DLG5: variants seen among roughly 807,000 people sequenced by gnomAD.
DLG5 encodes discs large MAGUK scaffold protein 5.
A neutral mutation model predicts 189.8 loss-of-function variants in DLG5; 48 were observed. The observed-to-expected ratio is 0.25, with a 90% CI of 0.20 to 0.32. The LOEUF (loss-of-function observed/expected upper bound fraction) is 0.32. Among genes scored for constraint, DLG5 ranks in the 10% least tolerant of loss-of-function variants. The pLI, the probability that DLG5 is intolerant of heterozygous loss-of-function variation, is 1.00. For synonymous variants in DLG5, 1,016 were observed against 1,054.1 expected (o/e 0.96, Z 0.70); for missense variants, 2,160 against 2,544.7 (o/e 0.85, Z 3.25).
At chr10:77,883,684 C>G (rs1363909342) in intron 1 of DLG5, among the ~76,000 whole-genome samples, 1 of 143,566 alleles carries the variant, frequency 7.0e-6, no homozygotes, top group African/African-American at 2.6e-5. Flanking sequence ...TATGAAGTAA[C>G]ATTGTTCTTT....
chr10:77,868,140 C>T (rs1259388768), intron 2 of DLG5: 1 of 454,424 alleles, frequency 2.2e-6, no homozygotes, highest in South Asian at 1.6e-5. Context: ...AACTGTGAGA[C>T]AATCAATTTC....
chr10:77,801,416 A>G (rs35296361), intron 27 of DLG5, among the ~76,000 whole-genome samples: 39,830 of 151,956 alleles, frequency 0.26, 5,668 homozygotes, highest in Admixed American at 0.39. Flanking sequence ...GAGAGAAAGA[A>G]AGAAGTGGAA....
At chr10:77,814,790 G>A (rs1473002755) in intron 20 of DLG5, among the ~76,000 whole-genome samples, 1 of 151,994 alleles carries the variant, frequency 6.6e-6, no homozygotes, top group African/African-American at 2.4e-5. Context: ...GGCCAGGTTG[G>A]TCTTGAACTC....
At position 77,793,834 on chromosome 10, in the gene DLG5, T is replaced by C. The variant is rs7922683; in HGVS notation, c.5656+174A>G. The stretch of plus-strand genomic sequence containing the variant: ...CTTAACATTCAACCTGTAAGAATCC[T>C]GACGTTGGCCAGGGACTGCAATCTG... On this transcript the variant is annotated intron_variant, in intron 31 of 31. Coordinates refer to ENST00000372391, the MANE Select transcript of DLG5 (RefSeq NM_004747.4). 8,684 of 619,526 alleles carry C rather than the reference T, an allele frequency of 0.014. 582 individuals carry two copies. The African/African-American group carries it at 0.14, about 10-fold the overall frequency. The allele number at this position is 619,526 out of a possible 1,614,324, so 38.4% of individuals were successfully genotyped here. A position where few individuals can be genotyped will look rare whatever the true frequency, so the allele number is the denominator to read the frequency against.
chr10:77,926,613 G>T lies in DLG5; in HGVS notation c.-93C>A. 1 of 1,030,514 alleles carries T rather than the reference G, an allele frequency of 9.7e-7. No individual in the cohort carries two copies. The highest frequency in any genetic ancestry group is 1.2e-6 in the Non-Finnish European group (1 of 836,298). The allele number at this position is 1,030,514 out of a possible 1,614,324, so 63.8% of individuals were successfully genotyped here. ...GGCGAGCACCTCGGCAGCAGCCCTA[G>T]GGCGCCGGGAGCCGTGAGGCGGCGG... On this transcript the variant is annotated 5_prime_UTR_variant, in exon 1 of 32. Coordinates refer to ENST00000372391, the MANE Select transcript of DLG5 (RefSeq NM_004747.4). The surrounding 1 kb of genome is among the most constrained non-coding windows in gnomAD (Gnocchi z 5.2).
rs34681951 is a variant in DLG5 at position 77,809,099 on chromosome 10, C to CA, written c.4647+447dup. Among the ~76,000 whole-genome samples, 586 of 130,700 alleles carry CA rather than the reference C, an allele frequency of 4.5e-3. 2 individuals carry two copies. Among genetic ancestry groups the CA allele is most frequent in the Non-Finnish European group, 6.4e-3 (383 of 60,046 alleles). 85.7% of individuals were successfully genotyped at this position (130,700 alleles called of 152,430 possible). On this transcript the variant is annotated intron_variant, in intron 24 of 31. Transcript: ENST00000372391. Reference sequence around the variant, plus strand: ...GGGCAACAAGGGCAAAACTCTGTCTCAAAAAAAAAAAAAAATCAATCCTGA... The same window carrying CA: ...GGGCAACAAGGGCAAAACTCTGTCTCAAAAAAAAAAAAAAAATCAATCCTGA...
At chr10:77,797,393 A>C (rs1267574231) in intron 27 of DLG5, among the ~76,000 whole-genome samples, 3 of 152,204 alleles carry the variant, frequency 2.0e-5, no homozygotes, top group Non-Finnish European at 4.4e-5. Flanking sequence ...AACATAATAA[A>C]GAATAGAACA....
At chr10:77,841,176 C>T (rs1843397556) in intron 7 of DLG5, among the ~76,000 whole-genome samples, 1 of 152,138 alleles carries the variant, frequency 6.6e-6, no homozygotes, top group African/African-American at 2.4e-5. Context: ...CATCCAAGCC[C>T]CCGCAGGGCT....
chr10:77,813,319 G>A (rs769428252), intron 20 of DLG5, among the ~76,000 whole-genome samples: 10 of 152,202 alleles, frequency 6.6e-5, no homozygotes, highest in Middle Eastern at 3.2e-3. Context: ...CTAGCGGGGA[G>A]GCACCTAAAC....
rs1393941336 is a variant in DLG5, at chr10:77,807,725, A to G, written c.4796+71T>C. The G allele has an allele frequency of 2.6e-6, 4 of 1,535,118 alleles. No homozygotes were observed. In the East Asian group the frequency reaches 9.1e-5, roughly 35 times the overall value. ...GGCAAGAAACAGAGAGCCATTCACC[A>G]GGAAAAGAGTCTCCAGTGAAAGCCT... is the stretch of plus-strand genomic sequence containing the variant. On this transcript the variant is annotated intron_variant, in intron 25 of 31. Coordinates refer to ENST00000372391, the MANE Select transcript of DLG5 (RefSeq NM_004747.4).
At chr10:77,905,996 A>G (rs1159913265) in intron 1 of DLG5, among the ~76,000 whole-genome samples, 1 of 152,180 alleles carries the variant, frequency 6.6e-6, no homozygotes, top group Non-Finnish European at 1.5e-5. Context: ...CTCACCAGTC[A>G]CTTGGAATTG....
chr10:77,907,335 T>C (rs1564590020), intron 1 of DLG5, among the ~76,000 whole-genome samples: 2 of 152,154 alleles, frequency 1.3e-5, no homozygotes, highest in Non-Finnish European at 2.9e-5. Context: ...TCTCAGCACT[T>C]TGGGAGGCCA....
rs764425125 is a variant in DLG5, at chr10:77,830,883, G to A, written c.1749-10C>T. The A allele has an allele frequency of 1.1e-5, 17 of 1,613,636 alleles. No homozygotes were observed. The African/African-American group carries it at 1.1e-4, about 10-fold the overall frequency. On this transcript the variant is annotated splice_polypyrimidine_tract_variant and intron_variant, in intron 9 of 31. Transcript: ENST00000372391. ...GGATTCCATCTGTTCCCTGTGAACA[G>A]AGAGAGCCACGGTGACAGCCCCTTG...
Position 77,821,198 on chromosome 10 carries a change from C to T in DLG5, c.3286G>A (p.Glu1096Lys). 1 of 1,614,154 alleles carries T rather than the reference C, an allele frequency of 6.2e-7. No individual in the cohort carries two copies. The highest frequency in any genetic ancestry group is 8.5e-7 in the Non-Finnish European group (1 of 1,180,020). ...SHLPAKKSCD[E>K]DLTSQKVDEL... is the part of the protein sequence containing the mutation. ...TCCACCTTCTGGGAGGTGAGGTCCTCATCACAGGATTTCTTGGCCGGCAGG... is the reference window on the plus strand; with the variant it reads ...TCCACCTTCTGGGAGGTGAGGTCCTTATCACAGGATTTCTTGGCCGGCAGG... Residue 1096 changes from glutamate (E) to lysine (K), a missense_variant, in exon 15 of 32, where the codon GAG (glutamate) becomes AAG (lysine). This residue lies in a region of DLG5 where 754 missense variants were observed against 746.5 expected (regional missense o/e 1.01). Coordinates refer to ENST00000372391, the MANE Select transcript of DLG5 (RefSeq NM_004747.4).
intron 1 of DLG5, among the ~76,000 whole-genome samples, chr10:77,912,736 G>A (rs1368568416): frequency 2.0e-5 from 3 of 152,220 alleles, no homozygotes; most frequent in South Asian, 4.1e-4. Flanking sequence ...AAGGAAGCAG[G>A]TGAAGACAAG....
In DLG5 at chr10:77,829,349, C is replaced by G. The variant is rs772844679; in HGVS notation, c.2185+6G>C. ...AGGCACTCTGCCATGTTCACAGGCC[C>G]GCTACCTTTCTGTCCACTGAGGTTG... On this transcript the variant is annotated splice_donor_region_variant and intron_variant, in intron 12 of 31. Coordinates refer to ENST00000372391, the MANE Select transcript of DLG5 (RefSeq NM_004747.4). 1.1e-5 allele frequency: 18 copies of G among 1,613,340 alleles called. No individual in the cohort carries two copies. Among genetic ancestry groups the G allele is most frequent in the Non-Finnish European group, 1.5e-5 (18 of 1,180,034 alleles).
At chr10:77,867,903 A>C (rs754995561) in intron 2 of DLG5, 14 of 456,350 alleles carry the variant, frequency 3.1e-5, no homozygotes, top group Non-Finnish European at 6.2e-5. Flanking sequence ...GGCCAATCTG[A>C]CCAGTGTCCT....
rs1382467727 is a variant in DLG5, at chr10:77,811,477, C to CAT, written c.4323-245_4323-244dup. Among the ~76,000 whole-genome samples the CAT allele has an allele frequency of 2.6e-5, 4 of 152,124 alleles. No homozygotes were observed. In the South Asian group the frequency reaches 8.3e-4, roughly 32 times the overall value. On this transcript the variant is annotated intron_variant, in intron 22 of 31. Coordinates refer to ENST00000372391, the MANE Select transcript of DLG5 (RefSeq NM_004747.4). ...GCATCTGACCTCAGGAAGCTGTGAGCATCCTGTCTCTTTTCCTCTGCCTGT... is the reference window on the plus strand; with the variant it reads ...GCATCTGACCTCAGGAAGCTGTGAGCATATCCTGTCTCTTTTCCTCTGCCTGT...
the DLG5 span, among the ~76,000 whole-genome samples, chr10:77,936,657 GGCTAAGCCCTAAGGC>G: frequency 6.6e-6 from 1 of 152,092 alleles, no homozygotes; most frequent in African/African-American, 2.4e-5. Context: ...CCAAGTTCTT[GGCTAAGCCCTAAGGC>G]TACCTAACCT....
Sources: allele counts gnomAD v4.1 joint callset (sites outside exome capture counted in the v4.1 genomes callset), GRCh38; gene constraint gnomAD v4.1.1; regional missense constraint gnomAD v4.1.1; non-coding constraint Gnocchi (gnomAD v3.1); transcripts MANE v1.5; gene names NCBI Gene and HGNC (gene_info 2026-07-23, HGNC 2026-07-21).